FHIT: variants seen among roughly 807,000 people sequenced by gnomAD.
FHIT encodes the protein bis(5'-adenosyl)-triphosphatase.
FHIT carries 19 observed loss-of-function variants against 17.9 expected under a neutral mutation model. The ratio of observed to expected loss-of-function variants is 1.06; its 90% CI spans 0.74 to 1.56. The LOEUF (loss-of-function observed/expected upper bound fraction) is 1.56. FHIT is among the 40% of genes most tolerant of loss of function. FHIT has a pLI of 0.00. For missense variants in FHIT, 248 were observed against 189.2 expected, an observed-to-expected ratio of 1.31 and a Z score of -1.82; for synonymous variants, 81 against 69.7, an observed-to-expected ratio of 1.16 and a Z score of -0.81.
chr3:61,137,487 C>A (rs2036951223), intron 2 of FHIT, among the ~76,000 whole-genome samples: 1 of 152,078 alleles, frequency 6.6e-6, no homozygotes, highest in Non-Finnish European at 1.5e-5. Flanking sequence ...TCTTTCAGAG[C>A]CCTGTCTCAC....
At chr3:60,189,946 GAGA>G (rs914205122) in intron 5 of FHIT, among the ~76,000 whole-genome samples, 1 of 152,138 alleles carries the variant, frequency 6.6e-6, no homozygotes, top group Non-Finnish European at 1.5e-5. Context: ...GTTTCAAAGA[GAGA>G]AGAAGGACCA....
At chr3:60,560,884 TG>T (rs1467176524) in intron 4 of FHIT, among the ~76,000 whole-genome samples, 1 of 127,038 alleles carries the variant, frequency 7.9e-6, no homozygotes, top group African/African-American at 3.0e-5. Flanking sequence ...CAAGGAGAGG[TG>T]GGGAGGAAGT....
chr3:61,231,352 G>C (rs577212684), intron 1 of FHIT, among the ~76,000 whole-genome samples: 8 of 152,214 alleles, frequency 5.3e-5, no homozygotes, highest in African/African-American at 1.9e-4. Flanking sequence ...AAAATTGCTA[G>C]GTGTGGTGGT....
intron 7 of FHIT, among the ~76,000 whole-genome samples, chr3:59,986,925 C>T (rs1301610724): frequency 3.0e-4 from 33 of 109,238 alleles, no homozygotes; most frequent in African/African-American, 4.0e-4. Context: ...AATATATGTA[C>T]GTATGTATAG....
rs1026837409 is a variant in FHIT at position 60,644,925 on chromosome 3, T to C, written c.-17-107946A>G. 1.3e-5 allele frequency among the ~76,000 whole-genome samples: 2 copies of C among 152,180 alleles called. 1 individual carries two copies. Among genetic ancestry groups the C allele is most frequent in the Admixed American group, 1.3e-4 (2 of 15,284 alleles). ...GGGCTCCTCCTTGTGCTAGTTCTGT[T>C]ATAATCTAGCTTGGCTGTCTCTGGG... On this transcript the variant is annotated intron_variant, in intron 4 of 9. Coordinates refer to ENST00000492590, the MANE Select transcript of FHIT (RefSeq NM_002012.4).
intron 5 of FHIT, among the ~76,000 whole-genome samples, chr3:60,228,462 A>AT (rs1463561097): frequency 2.0e-5 from 3 of 152,304 alleles, no homozygotes; most frequent in Admixed American, 2.0e-4. Flanking sequence ...TAAAAGGTGA[A>AT]TTTTTTTGGT....
intron 3 of FHIT, among the ~76,000 whole-genome samples, chr3:60,955,597 C>CATAT (rs201555469): frequency 1.8e-3 from 143 of 77,648 alleles, no homozygotes; most frequent in Middle Eastern, 8.9e-3. Context: ...CATATATATA[C>CATAT]ATATATATAT....
rs1010267682 is a variant in FHIT, at chr3:60,840,971, A to C, written c.-110-18960T>G. On this transcript the variant is annotated intron_variant, in intron 3 of 9. Transcript: ENST00000492590. ...ATGTACATTTTGCTTGATAATAGAAAAGCAAATGAAAAGTTTATTAGCTTA... is the reference window on the plus strand; with the variant it reads ...ATGTACATTTTGCTTGATAATAGAACAGCAAATGAAAAGTTTATTAGCTTA... 3.9e-5 allele frequency among the ~76,000 whole-genome samples: 6 copies of C among 152,336 alleles called. 1 individual carries two copies. In the South Asian group the frequency reaches 1.2e-3, roughly 32 times the overall value.
At position 60,821,975 on chromosome 3, in the gene FHIT, T is replaced by C. The variant is rs1701944746; in HGVS notation, c.-74A>G. 6.6e-6 allele frequency: 1 copy of C among 152,104 alleles called. No homozygotes were observed. Among genetic ancestry groups the C allele is most frequent in the Non-Finnish European group, 1.5e-5 (1 of 68,002 alleles). 9.4% of individuals were successfully genotyped at this position (152,104 alleles called of 1,614,324 possible). On this transcript the variant is annotated 5_prime_UTR_variant, in exon 4 of 10. In the 5' UTR this introduces an upstream ATG that the reference lacks. Coordinates refer to ENST00000492590, the MANE Select transcript of FHIT (RefSeq NM_002012.4). The stretch of plus-strand genomic sequence containing the variant: ...TCAGTGGCAGGATGCACAGAGCTTT[T>C]ATAGAGGGTCTAAGCAGGCAGGTAT...
At position 60,869,429 on chromosome 3, in the gene FHIT, C is replaced by T. The variant is rs1207629126; in HGVS notation, c.-110-47418G>A. On this transcript the variant is annotated intron_variant, in intron 3 of 9. Coordinates refer to ENST00000492590, the MANE Select transcript of FHIT (RefSeq NM_002012.4). ...TGGGCAGGAACTCAGGGAATACAGC[C>T]CCCTTCTATCTCTGCTTCTCAATTC... Among the ~76,000 whole-genome samples, 3 of 152,084 alleles carry T rather than the reference C, an allele frequency of 2.0e-5. No homozygotes were observed. In the East Asian group the frequency reaches 5.8e-4, roughly 29 times the overall value.
intron 4 of FHIT, among the ~76,000 whole-genome samples, chr3:60,618,655 A>G (rs2039024221): frequency 6.6e-6 from 1 of 152,234 alleles, no homozygotes; most frequent in African/African-American, 2.4e-5. Flanking sequence ...TAATTTGAAG[A>G]AGCTGCGAAT....
intron 3 of FHIT, among the ~76,000 whole-genome samples, chr3:61,016,201 G>A (rs1413115494): frequency 6.6e-6 from 1 of 152,190 alleles, no homozygotes; most frequent in Non-Finnish European, 1.5e-5. Context: ...TTTACGTAAT[G>A]AGCAGATGGG....
At chr3:60,056,401 G>C (rs1268218075) in intron 5 of FHIT, among the ~76,000 whole-genome samples, 20 of 152,284 alleles carry the variant, frequency 1.3e-4, no homozygotes, top group Admixed American at 1.2e-3. Context: ...TGCTCCTTTT[G>C]TTTTGCTATT....
intron 4 of FHIT, among the ~76,000 whole-genome samples, chr3:60,656,182 C>T (rs2040110892): frequency 6.6e-6 from 1 of 152,134 alleles, no homozygotes; most frequent in Admixed American, 6.5e-5. Flanking sequence ...AAAAGCAGGA[C>T]CTCTGAACTC....
At chr3:60,639,477 GAC>G (rs1380608961) in intron 4 of FHIT, among the ~76,000 whole-genome samples, 1 of 152,094 alleles carries the variant, frequency 6.6e-6, no homozygotes, top group Non-Finnish European at 1.5e-5. Flanking sequence ...CAATTTAGAA[GAC>G]ACTAAGGAGA....
intron 5 of FHIT, among the ~76,000 whole-genome samples, chr3:60,436,679 C>A (rs976842420): frequency 6.6e-6 from 1 of 152,158 alleles, no homozygotes; most frequent in East Asian, 1.9e-4. Flanking sequence ...TGTGGCCATA[C>A]AGACAAAAAA....
intron 4 of FHIT, among the ~76,000 whole-genome samples, chr3:60,800,764 G>A (rs1210615825): frequency 6.6e-6 from 1 of 152,146 alleles, no homozygotes; most frequent in African/African-American, 2.4e-5. Flanking sequence ...CCCAGAGTAT[G>A]GACAAGAGTA....
intron 7 of FHIT, among the ~76,000 whole-genome samples, chr3:59,964,183 T>A (rs561925963): frequency 6.6e-6 from 1 of 152,328 alleles, no homozygotes; most frequent in Admixed American, 6.5e-5. Context: ...AGCCTACATA[T>A]TATTCAGGGT....
At chr3:61,237,079 C>T (rs989074166) in intron 1 of FHIT, among the ~76,000 whole-genome samples, 1 of 152,126 alleles carries the variant, frequency 6.6e-6, no homozygotes, top group Non-Finnish European at 1.5e-5. Flanking sequence ...TCTGACTCAA[C>T]AAATTACCTG....
Sources: gnomAD v4.1 joint callset for allele counts (sites outside exome capture counted in the v4.1 genomes callset) on GRCh38, gnomAD v4.1.1 for gene constraint, MANE v1.5 for transcripts, NCBI Gene and HGNC (gene_info 2026-07-23, HGNC 2026-07-21) for gene names.